Variants in TBCEL observed in about 807,000 individuals in gnomAD.
TBCEL encodes tubulin-specific chaperone cofactor E-like protein.
A neutral mutation model predicts 44.2 loss-of-function variants in TBCEL; 15 were observed. The observed-to-expected ratio is 0.34, with a 90% CI of 0.23 to 0.52. TBCEL has a LOEUF of 0.52. TBCEL is among the 20% of genes least tolerant of loss of function. TBCEL has a pLI of 0.95. For synonymous variants in TBCEL, 171 were observed against 185.4 expected (o/e 0.92, Z 0.63); for missense variants, 319 against 506.3 (o/e 0.63, Z 3.55).
intron 6 of TBCEL, among the ~76,000 whole-genome samples, chr11:121,057,147 A>T (rs766326277): frequency 1.3e-5 from 2 of 151,786 alleles, no homozygotes; most frequent in Non-Finnish European, 2.9e-5. Flanking sequence ...TTCCTCCTTG[A>T]TGGAAATGCC....
At chr11:121,054,963 A>G (rs919440540) in intron 5 of TBCEL, 89 bp from the exon 6 acceptor site, 15 of 1,312,018 alleles carry the variant, frequency 1.1e-5, no homozygotes, top group Non-Finnish European at 1.3e-5. Context: ...TATAGTAGGC[A>G]CTTACTTATT....
chr11:121,037,834 A>T (rs1403027441), intron 2 of TBCEL, among the ~76,000 whole-genome samples: 1 of 152,226 alleles, frequency 6.6e-6, no homozygotes, highest in Non-Finnish European at 1.5e-5. Flanking sequence ...CAGATATGAA[A>T]AGCTTTTGAT....
chr11:121,081,963 A>G (rs1266260648), intron 8 of TBCEL, among the ~76,000 whole-genome samples: 1 of 152,226 alleles, frequency 6.6e-6, no homozygotes, highest in African/African-American at 2.4e-5. Context: ...TTACCTATAA[A>G]TTAATAAATA....
intron 4 of TBCEL, among the ~76,000 whole-genome samples, chr11:121,050,000 A>G (rs1288770607): frequency 1.3e-5 from 2 of 151,650 alleles, no homozygotes; most frequent in African/African-American, 4.8e-5. Flanking sequence ...TTTCAAGTAA[A>G]TATTTGTTGC....
At chr11:121,051,269 A>G (rs1945523400) in intron 4 of TBCEL, among the ~76,000 whole-genome samples, 2 of 151,740 alleles carry the variant, frequency 1.3e-5, no homozygotes, top group South Asian at 2.1e-4. Flanking sequence ...TAGCCTTGGG[A>G]AATCTCCCAG....
rs1172782594 is a variant in TBCEL, at chr11:121,045,671, T to C, written c.-17-3T>C. On this transcript the variant is annotated splice_region_variant and splice_polypyrimidine_tract_variant and intron_variant, in intron 2 of 8. Coordinates refer to ENST00000683345, the MANE Select transcript of TBCEL (RefSeq NM_001363644.2). Reference sequence around the variant, plus strand: ...AATTTGATTATTTCTTGGTTTCTTGTAGCATTTTAAGAAAGAAAGATGGAT... The same window carrying C: ...AATTTGATTATTTCTTGGTTTCTTGCAGCATTTTAAGAAAGAAAGATGGAT... 3 of 1,561,832 alleles carry C rather than the reference T, an allele frequency of 1.9e-6. No homozygotes were observed. The highest frequency in any genetic ancestry group is 2.6e-6 in the Non-Finnish European group (3 of 1,158,376).
Position 121,051,184 on chromosome 11 carries a change from G to T in TBCEL, c.274-2367G>T, listed in dbSNP as rs113418262. On this transcript the variant is annotated intron_variant, in intron 4 of 8. Coordinates refer to ENST00000683345, the MANE Select transcript of TBCEL (RefSeq NM_001363644.2). Reference sequence around the variant, plus strand: ...TTTTAGGATATTCTAGGGTTAACAAGTCATTATTCTGAATATTAATTTTCA... The same window carrying T: ...TTTTAGGATATTCTAGGGTTAACAATTCATTATTCTGAATATTAATTTTCA... Among the ~76,000 whole-genome samples, 228 of 151,798 alleles carry T rather than the reference G, an allele frequency of 1.5e-3. 1 individual carries two copies. The highest frequency in any genetic ancestry group is 4.8e-3 in the African/African-American group (198 of 41,474).
At chr11:121,058,283 A>T in intron 6 of TBCEL, 62 bp from the exon 7 acceptor site, 1 of 1,561,716 alleles carries the variant, frequency 6.4e-7, no homozygotes, top group South Asian at 1.1e-5. Context: ...TATTTTTGCT[A>T]TGTTTCTCTT....
chr11:121,086,748 AG>A (rs1355154476), intron 8 of TBCEL, 29 bp from the exon 9 acceptor site: 1 of 1,551,082 alleles, frequency 6.4e-7, no homozygotes, highest in African/African-American at 1.4e-5. Context: ...TAGTAGTTTA[AG>A]CTGACAGTGT....
At chr11:121,036,924 T>A (rs1945241868) in intron 2 of TBCEL, among the ~76,000 whole-genome samples, 1 of 152,208 alleles carries the variant, frequency 6.6e-6, no homozygotes, top group Non-Finnish European at 1.5e-5. Context: ...TTGCCACTAA[T>A]ACAATGAAAT....
At chr11:121,049,695 T>TA (rs1029388582) in intron 4 of TBCEL, among the ~76,000 whole-genome samples, 1 of 151,834 alleles carries the variant, frequency 6.6e-6, no homozygotes, top group Non-Finnish European at 1.5e-5. Context: ...TCTTTGGAAA[T>TA]ACAAAATTTT....
chr11:121,041,546 A>C (rs976972117), intron 2 of TBCEL, among the ~76,000 whole-genome samples: 2 of 152,138 alleles, frequency 1.3e-5, no homozygotes, highest in African/African-American at 4.8e-5. Context: ...TTACAAATGC[A>C]TTAGAACTCT....
chr11:121,030,486 G>A (rs1032985667), intron 1 of TBCEL, among the ~76,000 whole-genome samples: 1 of 152,142 alleles, frequency 6.6e-6, no homozygotes, highest in Non-Finnish European at 1.5e-5. Flanking sequence ...CAGAGGTCCT[G>A]GTGAGAAGTT....
At chr11:121,029,471 A>G (rs1945105912) in intron 1 of TBCEL, among the ~76,000 whole-genome samples, 3 of 152,348 alleles carry the variant, frequency 2.0e-5, no homozygotes, top group East Asian at 1.9e-4. Context: ...TGAAATGGCT[A>G]TTAATAGCTT....
At chr11:121,051,308 A>AT (rs1945524156) in intron 4 of TBCEL, among the ~76,000 whole-genome samples, 1 of 151,868 alleles carries the variant, frequency 6.6e-6, no homozygotes, top group South Asian at 2.1e-4. Flanking sequence ...TAAATTATCT[A>AT]TTTTTTAAAG....
At chr11:121,067,195 A>T (rs1373769417) in intron 8 of TBCEL, among the ~76,000 whole-genome samples, 3 of 152,222 alleles carry the variant, frequency 2.0e-5, no homozygotes, top group Admixed American at 1.3e-4. Context: ...TTTGTGTGTC[A>T]GTTGGATTAT....
chr11:121,078,650 T>C (rs1946073015), intron 8 of TBCEL, among the ~76,000 whole-genome samples: 1 of 152,198 alleles, frequency 6.6e-6, no homozygotes, highest in Non-Finnish European at 1.5e-5. Context: ...CACTCAATTC[T>C]ACCCCTACTT....
At chr11:121,071,818 T>G (rs191526230) in intron 8 of TBCEL, among the ~76,000 whole-genome samples, 1 of 152,200 alleles carries the variant, frequency 6.6e-6, no homozygotes, top group Non-Finnish European at 1.5e-5. Flanking sequence ...GAAGGCTTAT[T>G]TTGTCTTGGA....
At chr11:121,025,182 C>T (rs879681251) in intron 1 of TBCEL, among the ~76,000 whole-genome samples, 19 of 152,308 alleles carry the variant, frequency 1.2e-4, no homozygotes, top group Admixed American at 2.6e-4. Context: ...TTGTAGGCAA[C>T]GCCTAGGGCT....
Sources: allele counts gnomAD v4.1 joint callset (sites outside exome capture counted in the v4.1 genomes callset), GRCh38; gene constraint gnomAD v4.1.1; transcripts MANE v1.5; gene names NCBI Gene and HGNC (gene_info 2026-07-23, HGNC 2026-07-21).